Variants in CREB5 observed in about 807,000 individuals in gnomAD.
CREB5 encodes the protein cAMP responsive element binding protein 5, also known as cyclic AMP-responsive element-binding protein 5.
Under a neutral mutation model 57.1 loss-of-function variants are expected in CREB5, and 19 were observed. The observed-to-expected ratio is 0.33, with a 90% confidence interval of 0.23 to 0.49. CREB5 has a LOEUF of 0.49. Among genes scored for constraint, CREB5 ranks in the 20% least tolerant of loss-of-function variants. The pLI is 0.99. For synonymous variants in CREB5, 238 were observed against 238.3 expected (o/e 1.00, Z 0.01); for missense variants, 579 against 671.6 (o/e 0.86, Z 1.52).
At chr7:28,363,695 G>A (rs1786532566) in intron 1 of CREB5, among the ~76,000 whole-genome samples, 1 of 152,108 alleles carries the variant, frequency 6.6e-6, no homozygotes, top group Admixed American at 6.6e-5. Flanking sequence ...GAGTAGCACT[G>A]TGCCATTGAA....
intron 4 of CREB5, among the ~76,000 whole-genome samples, chr7:28,530,785 C>G (rs1793693789): frequency 6.6e-6 from 1 of 152,192 alleles, no homozygotes; most frequent in South Asian, 2.1e-4. Flanking sequence ...CTGGAACTCT[C>G]TAGAGTCCCC....
At chr7:28,771,456 G>T (rs1806317182) in intron 7 of CREB5, among the ~76,000 whole-genome samples, 1 of 152,110 alleles carries the variant, frequency 6.6e-6, no homozygotes, top group South Asian at 2.1e-4. Flanking sequence ...GAAGTCTGGG[G>T]GCGTCCTTCC....
At chr7:28,634,912 G>A (rs1798351882) in intron 5 of CREB5, among the ~76,000 whole-genome samples, 1 of 152,096 alleles carries the variant, frequency 6.6e-6, no homozygotes, top group Non-Finnish European at 1.5e-5. Flanking sequence ...GTATCAGTTA[G>A]GAATGCATTT....
intron 5 of CREB5, among the ~76,000 whole-genome samples, chr7:28,703,863 G>A (rs1466709111): frequency 6.6e-6 from 1 of 152,106 alleles, no homozygotes; most frequent in Non-Finnish European, 1.5e-5. Context: ...CAGATATCTG[G>A]GCAACCCATG....
intron 5 of CREB5, among the ~76,000 whole-genome samples, chr7:28,588,624 G>A (rs1404840156): frequency 1.3e-5 from 2 of 152,068 alleles, no homozygotes; most frequent in Non-Finnish European, 2.9e-5. Flanking sequence ...ATTTACCAAG[G>A]ACCTGTTTTT....
intron 1 of CREB5, among the ~76,000 whole-genome samples, chr7:28,333,249 T>C (rs1785749635): frequency 6.6e-6 from 1 of 152,230 alleles, no homozygotes; most frequent in Admixed American, 6.5e-5. Context: ...CTGTTGGTTT[T>C]ATACTTTTTA....
intron 7 of CREB5, among the ~76,000 whole-genome samples, chr7:28,754,147 G>C (rs755429296): frequency 6.6e-6 from 1 of 152,092 alleles, no homozygotes; most frequent in Non-Finnish European, 1.5e-5. Flanking sequence ...CATTGTGGCC[G>C]GGTGAGGTCA....
intron 1 of CREB5, among the ~76,000 whole-genome samples, chr7:28,465,979 G>A (rs1348917292): frequency 6.6e-6 from 1 of 152,106 alleles, no homozygotes; most frequent in Non-Finnish European, 1.5e-5. Flanking sequence ...GATTTCACAG[G>A]ATCTGTAGCA....
rs767611206 is a variant in CREB5 at position 28,818,143 on chromosome 7, A to G, written c.1327A>G (p.Ile443Val). 19 of 1,613,658 alleles carry G rather than the reference A, an allele frequency of 1.2e-5. No individual in the cohort carries two copies. Among genetic ancestry groups the G allele is most frequent in the Non-Finnish European group, 1.6e-5 (19 of 1,179,720 alleles). ...GTTGTTAACACATAAAGACTGCCCA[A>G]TAACAGCCATGCAGAAAGAATCACA... ...QLLLTHKDCP[I>V]TAMQKESQGY... The change falls in exon 10 of 11, where the codon ATA (isoleucine) becomes GTA (valine). Residue 443 changes from isoleucine to valine, a missense_variant. Coordinates refer to ENST00000357727, the MANE Select transcript of CREB5 (RefSeq NM_182898.4).
chr7:28,563,336 G>A (rs754471712), intron 4 of CREB5, among the ~76,000 whole-genome samples: 1 of 152,062 alleles, frequency 6.6e-6, no homozygotes, highest in Non-Finnish European at 1.5e-5. Flanking sequence ...CTGTCCTTTC[G>A]ATGATTATCT....
intron 1 of CREB5, among the ~76,000 whole-genome samples, chr7:28,369,746 G>A (rs1485966524): frequency 6.6e-6 from 1 of 152,182 alleles, no homozygotes; most frequent in Non-Finnish European, 1.5e-5. Flanking sequence ...TCCTGCAACA[G>A]GAGACCAGGA....
At chr7:28,809,165 T>A in intron 8 of CREB5, 22 bp from the exon 9 acceptor site, 1 of 1,594,108 alleles carries the variant, frequency 6.3e-7, no homozygotes, top group Non-Finnish European at 8.6e-7. Flanking sequence ...CCCCATCACC[T>A]CCTCCCTCTC....
At chr7:28,629,948 C>T (rs1299950975) in intron 5 of CREB5, among the ~76,000 whole-genome samples, 1 of 152,140 alleles carries the variant, frequency 6.6e-6, no homozygotes, top group Non-Finnish European at 1.5e-5. Context: ...AACATGGACT[C>T]TCAATGTTGG....
chr7:28,801,856 G>A (rs1237384703), intron 7 of CREB5, among the ~76,000 whole-genome samples: 2 of 151,982 alleles, frequency 1.3e-5, no homozygotes, highest in Non-Finnish European at 2.9e-5. Flanking sequence ...GGAGGCCGAG[G>A]CAGGTGGATC....
chr7:28,408,071 C>T (rs1787625193), upstream of CREB5, among the ~76,000 whole-genome samples: 1 of 152,170 alleles, frequency 6.6e-6, no homozygotes, highest in Non-Finnish European at 1.5e-5. Flanking sequence ...GAATGCTTAC[C>T]CCTGGCTCTA....
intron 3 of CREB5, among the ~76,000 whole-genome samples, chr7:28,496,536 T>C (rs1792058831): frequency 6.6e-6 from 1 of 152,156 alleles, no homozygotes. Context: ...TGTCCCAGGC[T>C]CAGAACACAG....
At chr7:28,303,831 AT>A (rs1785141732) in intron 1 of CREB5, among the ~76,000 whole-genome samples, 1 of 152,208 alleles carries the variant, frequency 6.6e-6, no homozygotes, top group Non-Finnish European at 1.5e-5. Context: ...ATTTTATAGT[AT>A]TTTTTGCACA....
At chr7:28,340,678 C>T (rs1235976695) in intron 1 of CREB5, among the ~76,000 whole-genome samples, 1 of 152,228 alleles carries the variant, frequency 6.6e-6, no homozygotes, top group Non-Finnish European at 1.5e-5. Flanking sequence ...AGTCCACTGG[C>T]TCTGAGCCCA....
chr7:28,740,971 A>G (rs999109673), intron 7 of CREB5, among the ~76,000 whole-genome samples: 2 of 151,166 alleles, frequency 1.3e-5, no homozygotes, highest in Non-Finnish European at 2.9e-5. Context: ...ATAATACATT[A>G]TGAACGTATT....
Sources: allele counts gnomAD v4.1 joint callset (sites outside exome capture counted in the v4.1 genomes callset), GRCh38; gene constraint gnomAD v4.1.1; transcripts MANE v1.5; gene names NCBI Gene and HGNC (gene_info 2026-07-23, HGNC 2026-07-21).